ENOX1: variants seen among roughly 807,000 people sequenced by gnomAD.
ENOX1 encodes candidate growth-related and time keeping constitutive hydroquinone (NADH) oxidase.
ENOX1 carries 42 observed loss-of-function variants against 82.5 expected under a neutral mutation model. That is an observed-to-expected ratio of 0.51 (90% CI 0.40 to 0.66). ENOX1 has a LOEUF of 0.66. ENOX1 is among the 30% of genes least tolerant of loss of function. ENOX1 has a pLI of 0.00. For synonymous variants in ENOX1, 271 were observed against 282.2 expected (o/e 0.96, Z 0.40); for missense variants, 608 against 811.6 (o/e 0.75, Z 3.05).
chr13:43,395,382 C>T (rs561145722), intron 5 of ENOX1, among the ~76,000 whole-genome samples: 4 of 152,154 alleles, frequency 2.6e-5, no homozygotes, highest in South Asian at 2.1e-4. Flanking sequence ...CAAGTGTGGT[C>T]GTGTGTGTTT....
intron 14 of ENOX1, among the ~76,000 whole-genome samples, chr13:43,258,830 G>C (rs912735139): frequency 3.9e-5 from 6 of 152,268 alleles, no homozygotes; most frequent in African/African-American, 1.2e-4. Context: ...CGTCTCCAGA[G>C]GATTGCTGGA....
At chr13:43,431,812 GGGCTAGCCAATCCAA>G (rs1483876790) in intron 3 of ENOX1, among the ~76,000 whole-genome samples, 1 of 152,050 alleles carries the variant, frequency 6.6e-6, no homozygotes, top group Non-Finnish European at 1.5e-5. Flanking sequence ...TCCCCTCCCA[GGGCTAGCCAATCCAA>G]GAGAGCAAAC....
chr13:43,699,773 C>T (rs2086817491), intron 1 of ENOX1, among the ~76,000 whole-genome samples: 1 of 152,110 alleles, frequency 6.6e-6, no homozygotes. Context: ...CACTTCCTTC[C>T]CCACGAACAA....
At chr13:43,385,880 T>C (rs1042021719) in intron 5 of ENOX1, among the ~76,000 whole-genome samples, 6 of 152,162 alleles carry the variant, frequency 3.9e-5, no homozygotes, top group Admixed American at 3.3e-4. Flanking sequence ...AAAACTTTCC[T>C]TGGGGCCGGG....
rs1439512315 is a variant in ENOX1 at position 43,639,795 on chromosome 13, G to A, written c.-219+27684C>T. ...CTGTAATCCAGCAGTTTGGGAGGCC[G>A]AGGCTGGTGGATCACTTGAGGCCAG... is the stretch of plus-strand genomic sequence containing the variant. On this transcript the variant is annotated intron_variant, in intron 2 of 16. Coordinates refer to ENST00000690772, the MANE Select transcript of ENOX1 (RefSeq NM_001347969.2). Among the ~76,000 whole-genome samples, 4 of 152,158 alleles carry A rather than the reference G, an allele frequency of 2.6e-5. No homozygotes were observed. The East Asian group carries it at 5.8e-4, about 22-fold the overall frequency.
At chr13:43,274,230 A>C (rs894947781) in intron 12 of ENOX1, among the ~76,000 whole-genome samples, 4 of 152,254 alleles carry the variant, frequency 2.6e-5, no homozygotes, top group Non-Finnish European at 4.4e-5. Flanking sequence ...AAATCCAATC[A>C]ATGAATTTAT....
chr13:43,569,125 C>T (rs1952546), intron 2 of ENOX1, among the ~76,000 whole-genome samples: 87,246 of 152,066 alleles, frequency 0.57, 25,301 homozygotes, highest in Non-Finnish European at 0.6. Context: ...TGCAGCCATC[C>T]GCTCACTTAC....
rs185036424 is a variant in ENOX1, at chr13:43,675,757, C to T, written c.-284-8213G>A. Reference sequence around the variant, plus strand: ...CCGGCTTCCTTTCAGGAGTCCCTGCCGTACATCACACCCTCTGCCTATCAT... The same window carrying T: ...CCGGCTTCCTTTCAGGAGTCCCTGCTGTACATCACACCCTCTGCCTATCAT... On this transcript the variant is annotated intron_variant, in intron 1 of 16. Transcript: ENST00000690772. 1.8e-3 allele frequency among the ~76,000 whole-genome samples: 269 copies of T among 152,210 alleles called. 1 individual carries two copies. The highest frequency in any genetic ancestry group is 2.0e-3 in the Non-Finnish European group (134 of 68,024).
At chr13:43,430,140 A>G (rs938331811) in intron 3 of ENOX1, among the ~76,000 whole-genome samples, 2 of 152,228 alleles carry the variant, frequency 1.3e-5, no homozygotes, top group Admixed American at 1.3e-4. Flanking sequence ...ACGTGCACAA[A>G]ATATGCATTT....
At chr13:43,320,554 T>C (rs576540999) in intron 11 of ENOX1, among the ~76,000 whole-genome samples, 6 of 152,314 alleles carry the variant, frequency 3.9e-5, no homozygotes, top group African/African-American at 1.4e-4. Flanking sequence ...TCAGTGAGCA[T>C]ACTATTCAGA....
intron 11 of ENOX1, among the ~76,000 whole-genome samples, chr13:43,313,108 A>T (rs1420124647): frequency 5.9e-5 from 9 of 152,152 alleles, no homozygotes; most frequent in Non-Finnish European, 1.2e-4. Flanking sequence ...AGGGTCATTA[A>T]CCTGAAAAGG....
chr13:43,250,690 C>T (rs571476623), intron 14 of ENOX1, among the ~76,000 whole-genome samples: 1 of 152,204 alleles, frequency 6.6e-6, no homozygotes, highest in East Asian at 1.9e-4. Flanking sequence ...TTATTGAGTA[C>T]CTACAATAAG....
At chr13:43,417,208 G>C (rs1275615473) in intron 3 of ENOX1, among the ~76,000 whole-genome samples, 2 of 106,200 alleles carry the variant, frequency 1.9e-5, no homozygotes, top group South Asian at 7.2e-4. Flanking sequence ...GACGGGAGAC[G>C]GGAGACGGGA....
intron 2 of ENOX1, among the ~76,000 whole-genome samples, chr13:43,616,204 A>ATATATATATATATATATATATAT (rs1457149422): frequency 1.3e-4 from 2 of 15,318 alleles, no homozygotes; most frequent in Non-Finnish European, 2.1e-4. Flanking sequence ...ATATATATAT[A>ATATATATATATATATATATATAT]TTTTTTTTTT....
At chr13:43,219,135 TACTTCTGTTCACAC>T (rs1251235833) in intron 16 of ENOX1, among the ~76,000 whole-genome samples, 1 of 152,200 alleles carries the variant, frequency 6.6e-6, no homozygotes, top group Non-Finnish European at 1.5e-5. Context: ...TCTAAGCTCC[TACTTCTGTTCACAC>T]ATGGAGCCCT....
intron 2 of ENOX1, among the ~76,000 whole-genome samples, chr13:43,559,791 G>C: frequency 6.6e-6 from 1 of 152,300 alleles, no homozygotes; most frequent in South Asian, 2.1e-4. Context: ...AACATGCTAA[G>C]AGCATGGACC....
At chr13:43,415,232 GTTTTTTTTTTTTTT>G (rs71202260) in intron 3 of ENOX1, among the ~76,000 whole-genome samples, 3 of 54,634 alleles carry the variant, frequency 5.5e-5, no homozygotes, top group Admixed American at 3.1e-4. Context: ...CCAATCCAAT[GTTTTTTTTTTTTTT>G]TTTTTTTTTT....
intron 14 of ENOX1, among the ~76,000 whole-genome samples, chr13:43,259,091 C>T (rs2043912539): frequency 6.6e-6 from 1 of 152,178 alleles, no homozygotes; most frequent in South Asian, 2.1e-4. Context: ...ATGCTGATCA[C>T]ATCAGCACTG....
At chr13:43,563,192 T>C (rs952137520) in intron 2 of ENOX1, among the ~76,000 whole-genome samples, 1 of 152,168 alleles carries the variant, frequency 6.6e-6, no homozygotes, top group Non-Finnish European at 1.5e-5. Flanking sequence ...AAGTATCTTA[T>C]CTGACCACAG....
Sources: allele counts gnomAD v4.1 joint callset (sites outside exome capture counted in the v4.1 genomes callset), GRCh38; gene constraint gnomAD v4.1.1; transcripts MANE v1.5; gene names NCBI Gene and HGNC (gene_info 2026-07-23, HGNC 2026-07-21).